The following CCDC60 variants were observed in gnomAD, a reference collection of about 807,000 sequenced individuals.
CCDC60 encodes coiled-coil domain-containing protein 60.
A neutral mutation model predicts 63.5 loss-of-function variants in CCDC60; 54 were observed. The ratio of observed to expected loss-of-function variants is 0.85; its 90% CI spans 0.68 to 1.07. The LOEUF (loss-of-function observed/expected upper bound fraction) is 1.07. Among genes scored for constraint, CCDC60 ranks in the 50% least tolerant of loss-of-function variants. CCDC60 has a pLI of 0.00. For synonymous variants in CCDC60, 206 were observed against 238.8 expected (o/e 0.86, Z 1.27); for missense variants, 651 against 684.3 (o/e 0.95, Z 0.54).
At chr12:119,357,734 G>A (rs551709486) in intron 1 of CCDC60, among the ~76,000 whole-genome samples, 3 of 152,314 alleles carry the variant, frequency 2.0e-5, no homozygotes, top group African/African-American at 7.2e-5. Context: ...GATTACAGGG[G>A]TGAGCCACCG....
intron 1 of CCDC60, among the ~76,000 whole-genome samples, chr12:119,417,156 T>C (rs557356977): frequency 5.4e-5 from 8 of 147,680 alleles, no homozygotes; most frequent in African/African-American, 2.0e-4. Context: ...ACCCCTCCCC[T>C]CATCAAAGTT....
intron 1 of CCDC60, among the ~76,000 whole-genome samples, chr12:119,398,463 G>A (rs1025030462): frequency 1.3e-5 from 2 of 152,240 alleles, no homozygotes; most frequent in East Asian, 1.9e-4. Context: ...CTCCAGCCTC[G>A]GCCAGCCCTG....
At chr12:119,448,587 G>A (rs1950580251) in intron 2 of CCDC60, among the ~76,000 whole-genome samples, 1 of 152,102 alleles carries the variant, frequency 6.6e-6, no homozygotes, top group Admixed American at 6.6e-5. Flanking sequence ...TTTTGCCCTC[G>A]AAGATATTTA....
chr12:119,401,308 T>G (rs1956387955), intron 1 of CCDC60, among the ~76,000 whole-genome samples: 1 of 152,222 alleles, frequency 6.6e-6, no homozygotes, highest in Admixed American at 6.5e-5. Flanking sequence ...TCTAATCTCC[T>G]ATCACCAAGA....
chr12:119,500,977 C>A (rs1951837443), intron 6 of CCDC60, among the ~76,000 whole-genome samples: 1 of 151,934 alleles, frequency 6.6e-6, no homozygotes, highest in South Asian at 2.1e-4. Context: ...TATTCCTAAC[C>A]CAGGACCTCC....
chr12:119,486,142 C>G (rs1160283573), intron 4 of CCDC60, among the ~76,000 whole-genome samples: 1 of 152,232 alleles, frequency 6.6e-6, no homozygotes, highest in Admixed American at 6.5e-5. Context: ...CAGCTAGCTG[C>G]TGCTATTGCT....
chr12:119,350,019 G>A (rs1022038450), intron 1 of CCDC60, among the ~76,000 whole-genome samples: 1 of 152,016 alleles, frequency 6.6e-6, no homozygotes, highest in Non-Finnish European at 1.5e-5. Flanking sequence ...ATTGACATAA[G>A]ATACTAAGCA....
chr12:119,343,743 G>C (rs1046975497), intron 1 of CCDC60, among the ~76,000 whole-genome samples: 3 of 151,450 alleles, frequency 2.0e-5, no homozygotes, highest in African/African-American at 7.3e-5. Context: ...GTGCAGTGAA[G>C]CCATCTGAAT....
chr12:119,483,937 C>CTTTTTTTTTTTTTTTTTT, intron 4 of CCDC60, among the ~76,000 whole-genome samples: 1 of 141,776 alleles, frequency 7.1e-6, no homozygotes, highest in Non-Finnish European at 1.5e-5. Flanking sequence ...CTTCTGGGGA[C>CTTTTTTTTTTTTTTTTTT]TTTTTTTTTT....
chr12:119,383,864 A>T lies in CCDC60; in HGVS notation c.91-44819A>T, dbSNP rs76064290. On this transcript the variant is annotated intron_variant, in intron 1 of 13. Coordinates refer to ENST00000327554, the MANE Select transcript of CCDC60 (RefSeq NM_178499.5). ...GCTGATGAAAAGACTTGGGGTGTCC[A>T]TGGGTTTCTTTGTAATATCTCTGCC... Among the ~76,000 whole-genome samples the T allele has an allele frequency of 4.4e-3, 667 of 152,284 alleles. 3 individuals carry two copies. The highest frequency in any genetic ancestry group is 0.014 in the African/African-American group (594 of 41,570).
rs538886293 is a variant in CCDC60 at position 119,437,443 on chromosome 12, T to C, written c.170+8681T>C. Among the ~76,000 whole-genome samples, 250 of 152,286 alleles carry C rather than the reference T, an allele frequency of 1.6e-3. 7 individuals carry two copies. The South Asian group carries it at 0.051, about 31-fold the overall frequency. The stretch of plus-strand genomic sequence containing the variant: ...GAATGGTTACATGGGATTTAATTTC[T>C]TTGTCATCTCCAAATTAGAAATCTC... On this transcript the variant is annotated intron_variant, in intron 2 of 13. Coordinates refer to ENST00000327554, the MANE Select transcript of CCDC60 (RefSeq NM_178499.5).
At chr12:119,335,810 C>A (rs2136136837) in intron 1 of CCDC60, among the ~76,000 whole-genome samples, 1 of 151,124 alleles carries the variant, frequency 6.6e-6, no homozygotes, top group South Asian at 2.1e-4. Context: ...TTAATTAGAT[C>A]CCTTTTGTCA....
chr12:119,354,123 T>C (rs1240693417), intron 1 of CCDC60, among the ~76,000 whole-genome samples: 2 of 152,084 alleles, frequency 1.3e-5, no homozygotes, highest in African/African-American at 4.8e-5. Flanking sequence ...TCTCTCTCTC[T>C]CTTTCTCTGT....
intron 2 of CCDC60, among the ~76,000 whole-genome samples, chr12:119,469,490 C>T (rs970361744): frequency 1.1e-4 from 17 of 152,272 alleles, no homozygotes; most frequent in African/African-American, 3.4e-4. Context: ...AAACTCCTGA[C>T]CTCAAGTGAT....
At chr12:119,461,219 G>A (rs530906128) in intron 2 of CCDC60, among the ~76,000 whole-genome samples, 37 of 152,244 alleles carry the variant, frequency 2.4e-4, no homozygotes, top group African/African-American at 8.9e-4. Flanking sequence ...AGGTACTACA[G>A]TAAACTCATT....
chr12:119,437,128 T>C (rs1453663360), intron 2 of CCDC60, among the ~76,000 whole-genome samples: 6 of 152,328 alleles, frequency 3.9e-5, no homozygotes, highest in Middle Eastern at 3.4e-3. Flanking sequence ...TCTTTTTGCA[T>C]TAATAGTGTT....
In CCDC60 at chr12:119,468,231, G is replaced by A. The variant is rs1417937273; in HGVS notation, c.171-3763G>A. On this transcript the variant is annotated intron_variant, in intron 2 of 13. Transcript: ENST00000327554. ...TGCTTGAACCCAAGAGGTGGGGGTT[G>A]CAGTGAGCCGAGATCGCACCACTAC... is the stretch of plus-strand genomic sequence containing the variant. Among the ~76,000 whole-genome samples the A allele has an allele frequency of 2.0e-5, 3 of 152,246 alleles. No homozygotes were observed. In the East Asian group the frequency reaches 5.8e-4, roughly 29 times the overall value.
At chr12:119,516,197 T>C (rs570971989) in intron 7 of CCDC60, among the ~76,000 whole-genome samples, 6 of 152,140 alleles carry the variant, frequency 3.9e-5, no homozygotes, top group Non-Finnish European at 7.4e-5. Flanking sequence ...CCTCTGCCTC[T>C]CAGGTTCAAG....
intron 1 of CCDC60, among the ~76,000 whole-genome samples, chr12:119,423,623 AG>A (rs1224321718): frequency 2.0e-5 from 3 of 152,252 alleles, no homozygotes. Flanking sequence ...GCTTATGCCA[AG>A]TGGCCCTATT....
Sources: gnomAD v4.1 joint callset for allele counts (sites outside exome capture counted in the v4.1 genomes callset) on GRCh38, gnomAD v4.1.1 for gene constraint, MANE v1.5 for transcripts, NCBI Gene and HGNC (gene_info 2026-07-23, HGNC 2026-07-21) for gene names.